The following PTH2R variants were observed in gnomAD, a reference collection of about 807,000 sequenced individuals.
The protein encoded by PTH2R is PTH2 receptor.
Under a neutral mutation model 60.3 loss-of-function variants are expected in PTH2R, and 59 were observed. That is an observed-to-expected ratio of 0.98 (90% CI 0.79 to 1.22). PTH2R has a LOEUF of 1.22. Among genes scored for constraint, PTH2R ranks in the 50% most tolerant of loss-of-function variants. PTH2R has a pLI of 0.00. For synonymous variants in PTH2R, 256 were observed against 243.8 expected (o/e 1.05, Z -0.47); for missense variants, 749 against 682.6 (o/e 1.10, Z -1.08).
chr2:208,390,252 G>A (rs934367230), intron 1 of PTH2R, among the ~76,000 whole-genome samples: 13 of 152,234 alleles, frequency 8.5e-5, no homozygotes, highest in East Asian at 1.9e-4. Context: ...TTCCCAGCCT[G>A]AGGGTGTGAA....
chr2:208,446,134 A>G (rs1181461214), intron 7 of PTH2R, among the ~76,000 whole-genome samples: 1 of 152,084 alleles, frequency 6.6e-6, no homozygotes, highest in African/African-American at 2.4e-5. Context: ...TATTTTTCAA[A>G]TTTCTTCATC....
At chr2:208,393,844 A>G (rs1701154351) in intron 1 of PTH2R, among the ~76,000 whole-genome samples, 1 of 152,192 alleles carries the variant, frequency 6.6e-6, no homozygotes. Flanking sequence ...CCCATCAGGC[A>G]TTTCCTGCAG....
intron 2 of PTH2R, among the ~76,000 whole-genome samples, chr2:208,435,963 T>C (rs1381527518): frequency 2.0e-5 from 3 of 152,208 alleles, no homozygotes; most frequent in Non-Finnish European, 2.9e-5. Context: ...CAGGCTGTCT[T>C]CTTGGAAGTT....
At chr2:208,450,091 G>T (rs547200293) in intron 7 of PTH2R, among the ~76,000 whole-genome samples, 1 of 152,176 alleles carries the variant, frequency 6.6e-6, no homozygotes, top group Non-Finnish European at 1.5e-5. Context: ...GGGGGCAAAC[G>T]AAAGTCGGTA....
intron 9 of PTH2R, among the ~76,000 whole-genome samples, chr2:208,471,683 G>T (rs889263372): frequency 6.6e-6 from 1 of 152,252 alleles, no homozygotes; most frequent in Admixed American, 6.5e-5. Flanking sequence ...GGGAAATGGG[G>T]GTTGGAGCTG....
chr2:208,474,899 T>G (rs1049709755), intron 9 of PTH2R, among the ~76,000 whole-genome samples: 1 of 152,232 alleles, frequency 6.6e-6, no homozygotes, highest in African/African-American at 2.4e-5. Flanking sequence ...GACTGTACTC[T>G]TGATGCAACC....
chr2:208,364,799 T>C (rs6758207), intron 1 of PTH2R, among the ~76,000 whole-genome samples: 141,874 of 152,200 alleles, frequency 0.93, 66,616 homozygotes, highest in Non-Finnish European at 0.98. Context: ...AATCCATGAA[T>C]GTGAGATGTT....
chr2:208,461,654 A>G lies in PTH2R; in HGVS notation c.981+1693A>G, dbSNP rs538875129. ...AAAAGGAAGGACCTATTGAAATGCA[A>G]GAGATCCTTGTAAAATTATCAGGAA... On this transcript the variant is annotated intron_variant, in intron 9 of 12. Transcript: ENST00000272847. Among the ~76,000 whole-genome samples the G allele has an allele frequency of 6.6e-5, 10 of 152,338 alleles. 1 individual carries two copies. The South Asian group carries it at 1.7e-3, about 25-fold the overall frequency.
chr2:208,407,109 C>A lies in PTH2R; in HGVS notation c.66C>A (p.Ala22=). The change falls in exon 1 of 13, where the codon GCC becomes GCA. Residue 22 remains alanine (A), a synonymous_variant. Coordinates refer to ENST00000272847, the MANE Select transcript of PTH2R (RefSeq NM_005048.4). ...GWLMLGSCLL[A]RAQLDSDGTI... Reference sequence around the variant, plus strand: ...TAATGCTCGGCAGCTGCCTCCTGGCCAGAGCCCAGGTAAGAGCCAGTGCTC... The same window carrying A: ...TAATGCTCGGCAGCTGCCTCCTGGCAAGAGCCCAGGTAAGAGCCAGTGCTC... 1 of 1,398,592 alleles carries A rather than the reference C, an allele frequency of 7.2e-7. No homozygotes were observed. Among genetic ancestry groups the A allele is most frequent in the Non-Finnish European group, 9.3e-7 (1 of 1,069,526 alleles). 86.6% of individuals were successfully genotyped at this position (1,398,592 alleles called of 1,614,324 possible).
chr2:208,449,784 A>G (rs556060712), intron 7 of PTH2R, among the ~76,000 whole-genome samples: 2 of 152,234 alleles, frequency 1.3e-5, no homozygotes, highest in African/African-American at 4.8e-5. Flanking sequence ...AAAAATTACA[A>G]TTTTTTTAAA....
At chr2:208,428,358 G>A in intron 2 of PTH2R, 55 bp downstream of exon 2, 3 of 1,259,504 alleles carry the variant, frequency 2.4e-6, no homozygotes, top group Non-Finnish European at 3.4e-6. Flanking sequence ...TTCTTATAAA[G>A]ATTGCACATT....
At chr2:208,386,566 TTG>T (rs1701006368) in intron 1 of PTH2R, among the ~76,000 whole-genome samples, 1 of 152,100 alleles carries the variant, frequency 6.6e-6, no homozygotes. Flanking sequence ...AATAGTCAGG[TTG>T]GGTTGTTATA....
At chr2:208,405,911 G>C (rs1701393251), upstream of PTH2R, among the ~76,000 whole-genome samples, 1 of 152,220 alleles carries the variant, frequency 6.6e-6, no homozygotes, top group South Asian at 2.1e-4. Context: ...GCTTTTATCA[G>C]ACACTGAATC....
chr2:208,456,917 C>G (rs909935550), intron 8 of PTH2R, among the ~76,000 whole-genome samples: 7 of 152,154 alleles, frequency 4.6e-5, no homozygotes, highest in African/African-American at 1.4e-4. Flanking sequence ...AACTTTGACA[C>G]TGAAAACCAT....
intron 1 of PTH2R, among the ~76,000 whole-genome samples, chr2:208,383,161 T>G (rs185247979): frequency 1.5e-4 from 23 of 152,270 alleles, no homozygotes; most frequent in Non-Finnish European, 3.1e-4. Flanking sequence ...TCAAGGGAGG[T>G]AGTTAGAGGC....
chr2:208,468,016 C>G (rs540833320), intron 9 of PTH2R, among the ~76,000 whole-genome samples: 2 of 152,326 alleles, frequency 1.3e-5, no homozygotes, highest in Non-Finnish European at 2.9e-5. Context: ...TATGCAGCAG[C>G]TGACATCTCT....
At chr2:208,480,967 G>A (rs565874870) in intron 9 of PTH2R, 103 bp from the exon 10 acceptor site, 5 of 790,276 alleles carry the variant, frequency 6.3e-6, no homozygotes, top group Admixed American at 2.7e-5. Context: ...TATGAAATGG[G>A]CAATTTTTCT....
intron 9 of PTH2R, among the ~76,000 whole-genome samples, chr2:208,473,315 T>C (rs1236478656): frequency 6.6e-6 from 1 of 152,240 alleles, no homozygotes; most frequent in Non-Finnish European, 1.5e-5. Context: ...CTACTGGTTC[T>C]TTATTTATGT....
intron 9 of PTH2R, among the ~76,000 whole-genome samples, chr2:208,470,785 G>C (rs1036744416): frequency 5.3e-5 from 8 of 152,206 alleles, no homozygotes; most frequent in African/African-American, 1.9e-4. Context: ...CTGGGTAACA[G>C]GCAGAGGTTG....
Sources: gnomAD v4.1 joint callset for allele counts (sites outside exome capture counted in the v4.1 genomes callset) on GRCh38, gnomAD v4.1.1 for gene constraint, MANE v1.5 for transcripts, NCBI Gene and HGNC (gene_info 2026-07-23, HGNC 2026-07-21) for gene names.